Variants in CNTNAP2 observed in about 807,000 individuals in gnomAD.
CNTNAP2 encodes contactin associated protein 2.
A neutral mutation model predicts 155.2 loss-of-function variants in CNTNAP2; 98 were observed. The ratio of observed to expected loss-of-function variants is 0.63; its 90% CI spans 0.54 to 0.75. CNTNAP2 has a LOEUF of 0.75. Among genes scored for constraint, CNTNAP2 ranks in the 30% least tolerant of loss-of-function variants. CNTNAP2 has a pLI of 0.00. For synonymous variants in CNTNAP2, 651 were observed against 631.2 expected (o/e 1.03, Z -0.47); for missense variants, 1,727 against 1,688.1 (o/e 1.02, Z -0.40).
chr7:148,324,885 T>C (rs1797863205), intron 21 of CNTNAP2, among the ~76,000 whole-genome samples: 1 of 151,918 alleles, frequency 6.6e-6, no homozygotes, highest in Admixed American at 6.6e-5. Context: ...AGGACATGTA[T>C]TGAATGAATG....
At chr7:146,928,800 G>A (rs527312393) in intron 3 of CNTNAP2, among the ~76,000 whole-genome samples, 69 of 152,324 alleles carry the variant, frequency 4.5e-4, no homozygotes, top group Non-Finnish European at 6.9e-4. Flanking sequence ...CACCTGGCTC[G>A]GAGGGTCCTA....
intron 8 of CNTNAP2, among the ~76,000 whole-genome samples, chr7:147,155,555 G>A (rs772601885): frequency 1.8e-4 from 27 of 152,034 alleles, no homozygotes; most frequent in Non-Finnish European, 3.1e-4. Context: ...TTAACAGAGT[G>A]CACTATTTAC....
chr7:147,749,296 A>G (rs1455508610), intron 13 of CNTNAP2, among the ~76,000 whole-genome samples: 1 of 152,228 alleles, frequency 6.6e-6, no homozygotes, highest in East Asian at 1.9e-4. Context: ...AAAAGTTACA[A>G]AAGTTTTAAT....
rs1804516087 is a variant in CNTNAP2, at chr7:148,118,150, C to G, written c.2416C>G (p.Pro806Ala). 4 of 1,614,140 alleles carry G rather than the reference C, an allele frequency of 2.5e-6. No homozygotes were observed. In the East Asian group the frequency reaches 8.9e-5, roughly 36 times the overall value. The stretch of plus-strand genomic sequence containing the variant: ...TTGGAATGCCGCCTCTTTCCCAAAC[C>G]CATCCTCCTACCTGCACTTCTCTAC... Reference protein sequence around the residue: ...NYWNAASFPNPSSYLHFSTFQ... With the variant: ...NYWNAASFPNASSYLHFSTFQ... Residue 806 changes from proline (P) to alanine (A), a missense_variant, in exon 16 of 24, where the codon CCA becomes GCA. Physicochemically the swap from Pro to Ala is conservative, Grantham distance 27 (BLOSUM62 -1). Coordinates refer to ENST00000361727, the MANE Select transcript of CNTNAP2 (RefSeq NM_014141.6).
At chr7:146,659,282 C>CTTCCTTG (rs1800045541) in intron 1 of CNTNAP2, among the ~76,000 whole-genome samples, 1 of 152,108 alleles carries the variant, frequency 6.6e-6, no homozygotes, top group Admixed American at 6.6e-5. Flanking sequence ...TAGAGATAAC[C>CTTCCTTG]AATTTAAATG....
intron 12 of CNTNAP2, among the ~76,000 whole-genome samples, chr7:147,625,062 T>C (rs370437354): frequency 6.6e-6 from 1 of 151,954 alleles, no homozygotes; most frequent in African/African-American, 2.4e-5. Context: ...ATCAAAACAA[T>C]TGAACTCATG....
At chr7:146,869,850 G>A (rs922750475) in intron 3 of CNTNAP2, among the ~76,000 whole-genome samples, 23 of 152,050 alleles carry the variant, frequency 1.5e-4, no homozygotes, top group Admixed American at 6.6e-5. Context: ...CACAATGTGG[G>A]TACGTCTTCC....
At chr7:147,029,125 A>G (rs937264031) in intron 3 of CNTNAP2, among the ~76,000 whole-genome samples, 76 of 151,808 alleles carry the variant, frequency 5.0e-4, no homozygotes, top group Non-Finnish European at 8.7e-4. Context: ...CACCACGCCC[A>G]GCTAATTTTT....
chr7:147,101,425 G>A (rs1265365001), intron 4 of CNTNAP2, among the ~76,000 whole-genome samples: 1 of 152,154 alleles, frequency 6.6e-6, no homozygotes, highest in Non-Finnish European at 1.5e-5. Flanking sequence ...CTGGCTCCAC[G>A]GCAGTGTCTA....
At chr7:147,144,738 A>T (rs1801666772) in intron 8 of CNTNAP2, among the ~76,000 whole-genome samples, 1 of 152,188 alleles carries the variant, frequency 6.6e-6, no homozygotes, top group African/African-American at 2.4e-5. Flanking sequence ...TGCCCATAGC[A>T]GTTTTGTAAT....
chr7:146,774,614 C>T (rs1802355816), intron 2 of CNTNAP2, among the ~76,000 whole-genome samples: 1 of 152,138 alleles, frequency 6.6e-6, no homozygotes, highest in African/African-American at 2.4e-5. Context: ...AAAAGGAAGA[C>T]ATTTTGAAGT....
chr7:147,219,850 A>G lies in CNTNAP2; in HGVS notation c.1349-80291A>G, dbSNP rs1317905986. 3.3e-5 allele frequency among the ~76,000 whole-genome samples: 5 copies of G among 151,662 alleles called. No homozygotes were observed. In the East Asian group the frequency reaches 9.7e-4, roughly 30 times the overall value. On this transcript the variant is annotated intron_variant, in intron 8 of 23. Coordinates refer to ENST00000361727, the MANE Select transcript of CNTNAP2 (RefSeq NM_014141.6). ...GAGTGCAGTGGCGCCATCTCGGCTC[A>G]CTGCAAGCTCCGCCTCCCGGGTTCA... is the stretch of plus-strand genomic sequence containing the variant.
intron 1 of CNTNAP2, among the ~76,000 whole-genome samples, chr7:146,683,337 C>G (rs1160510034): frequency 6.6e-6 from 1 of 152,110 alleles, no homozygotes; most frequent in African/African-American, 2.4e-5. Context: ...ACGGCCAAGT[C>G]GTTACCTAAA....
chr7:146,455,263 T>A (rs1796539912), intron 1 of CNTNAP2, among the ~76,000 whole-genome samples: 1 of 152,246 alleles, frequency 6.6e-6, no homozygotes, highest in Non-Finnish European at 1.5e-5. Context: ...AACTGTATTA[T>A]GCTTGAAAAG....
intron 3 of CNTNAP2, among the ~76,000 whole-genome samples, chr7:146,861,156 G>C (rs1000870594): frequency 4.6e-5 from 7 of 152,068 alleles, no homozygotes; most frequent in African/African-American, 7.2e-5. Context: ...CGCCTCCCGG[G>C]TTCAAGCGAT....
chr7:147,213,229 C>A (rs150953702), intron 8 of CNTNAP2, among the ~76,000 whole-genome samples: 21 of 152,278 alleles, frequency 1.4e-4, no homozygotes, highest in Admixed American at 1.4e-3. Context: ...GATGTCCCAA[C>A]TCAAACAGAA....
intron 1 of CNTNAP2, among the ~76,000 whole-genome samples, chr7:146,313,015 A>G (rs1382282233): frequency 3.3e-5 from 5 of 152,200 alleles, no homozygotes; most frequent in Non-Finnish European, 5.9e-5. Flanking sequence ...TCTAAAAGAA[A>G]TCTGGGAATG....
intron 3 of CNTNAP2, among the ~76,000 whole-genome samples, chr7:147,034,566 C>T (rs903786219): frequency 6.6e-6 from 1 of 152,200 alleles, no homozygotes; most frequent in African/African-American, 2.4e-5. Context: ...TGCCTTACTG[C>T]AAGGACAGAG....
chr7:146,785,829 T>C (rs1802566188), intron 2 of CNTNAP2, among the ~76,000 whole-genome samples: 5 of 152,252 alleles, frequency 3.3e-5, no homozygotes, highest in Admixed American at 3.3e-4. Context: ...GTTGAGCTGA[T>C]AAAGCATGCC....
Sources: gnomAD v4.1 joint callset for allele counts (sites outside exome capture counted in the v4.1 genomes callset) on GRCh38, gnomAD v4.1.1 for gene constraint, MANE v1.5 for transcripts, NCBI Gene and HGNC (gene_info 2026-07-23, HGNC 2026-07-21) for gene names.